The following TULP3 variants were observed in gnomAD, a reference collection of about 807,000 sequenced individuals.
TULP3 encodes TUB like protein 3, also known as tubby-related protein 3.
TULP3 carries 38 observed loss-of-function variants against 50.7 expected under a neutral mutation model. That is an observed-to-expected ratio of 0.75 (90% CI 0.58 to 0.98). The LOEUF (loss-of-function observed/expected upper bound fraction) is 0.98, where lower values mean the gene tolerates loss of function less well. TULP3 is among the 50% of genes least tolerant of loss of function. TULP3 has a pLI of 0.00. For synonymous variants in TULP3, 183 were observed against 196.6 expected, an observed-to-expected ratio of 0.93 and a Z score of 0.58; for missense variants, 550 against 568.0, an observed-to-expected ratio of 0.97 and a Z score of 0.32.
At chr12:2,899,345 C>CA (rs55818833) in intron 1 of TULP3, among the ~76,000 whole-genome samples, 1,688 of 82,604 alleles carry the variant, frequency 0.02, 100 homozygotes, top group African/African-American at 0.055. Context: ...AACGACGTCT[C>CA]AAAAAAAAAA....
chr12:2,941,038 A>G lies in TULP3; in HGVS notation c.*1594A>G, dbSNP rs2098204516. On this transcript the variant is annotated 3_prime_UTR_variant, in exon 11 of 11. Coordinates refer to ENST00000448120, the MANE Select transcript of TULP3 (RefSeq NM_003324.5). ...CCCTCTGGTTTAAAGAGATATATAA[A>G]CTAATTTCACATAATTTGTGTGTGC... 1 of 291,392 alleles carries G rather than the reference A, an allele frequency of 3.4e-6. No homozygotes were observed. The highest frequency in any genetic ancestry group is 2.2e-5 in the African/African-American group (1 of 44,968). The allele number at this position is 291,392 out of a possible 1,614,324, so 18.1% of individuals were successfully genotyped here.
chr12:2,899,954 T>TCTGTAATCC (rs567056978), intron 1 of TULP3, among the ~76,000 whole-genome samples: 1,601 of 146,580 alleles, frequency 0.011, 34 homozygotes, highest in African/African-American at 0.038. Flanking sequence ...GTGGCTCACA[T>TCTGTAATCC]CTGTAATCCC....
chr12:2,913,223 A>G (rs7966200), intron 2 of TULP3, among the ~76,000 whole-genome samples: 70,418 of 144,366 alleles, frequency 0.49, 17,035 homozygotes, highest in African/African-American at 0.6. Flanking sequence ...GTGTGTGTGT[A>G]TGTGTGTGTG....
chr12:2,903,014 A>G (rs2098180107), intron 1 of TULP3, among the ~76,000 whole-genome samples: 1 of 151,832 alleles, frequency 6.6e-6, no homozygotes, highest in Admixed American at 6.6e-5. Flanking sequence ...GGCACGGACC[A>G]CAATGCCTGG....
chr12:2,900,069 T>A (rs1603503916), intron 1 of TULP3, among the ~76,000 whole-genome samples: 2 of 141,298 alleles, frequency 1.4e-5, no homozygotes, highest in South Asian at 2.3e-4. Flanking sequence ...ACAAAAAAAA[T>A]AAAAAATTAA....
chr12:2,928,085 A>G (rs1243236945), intron 4 of TULP3, among the ~76,000 whole-genome samples: 1 of 152,256 alleles, frequency 6.6e-6, no homozygotes, highest in Non-Finnish European at 1.5e-5. Context: ...GACTATCAGT[A>G]TCTCCTCCTC....
intron 1 of TULP3, among the ~76,000 whole-genome samples, chr12:2,891,295 C>T (rs945519604): frequency 1.3e-5 from 2 of 152,178 alleles, no homozygotes; most frequent in African/African-American, 2.4e-5. Context: ...CTCGGGTTTC[C>T]CTCGGGGGAG....
chr12:2,897,302 G>T (rs1360822418), intron 1 of TULP3, among the ~76,000 whole-genome samples: 1 of 151,990 alleles, frequency 6.6e-6, no homozygotes, highest in Non-Finnish European at 1.5e-5. Flanking sequence ...GAGCCACTAC[G>T]CCCAGCCTAA....
At chr12:2,899,962 C>G (rs557004351) in intron 1 of TULP3, among the ~76,000 whole-genome samples, 2 of 151,478 alleles carry the variant, frequency 1.3e-5, no homozygotes, top group Non-Finnish European at 2.9e-5. Context: ...CATCTGTAAT[C>G]CCAGCACTTT....
At chr12:2,893,175 A>G (rs925384763) in intron 1 of TULP3, among the ~76,000 whole-genome samples, 1 of 151,700 alleles carries the variant, frequency 6.6e-6, no homozygotes, top group Non-Finnish European at 1.5e-5. Flanking sequence ...AAATTGTAAA[A>G]TTGACATCAA....
rs7973192 is a variant in TULP3, at chr12:2,920,351, A to T, written c.94-412A>T. On this transcript the variant is annotated intron_variant, in intron 2 of 10. Coordinates refer to ENST00000448120, the MANE Select transcript of TULP3 (RefSeq NM_003324.5). ...GTCGGGAAACCCTGTCTCTACAAAA[A>T]TACAAAAAATAGCTGGGCATGGTAG... Among the ~76,000 whole-genome samples the T allele has an allele frequency of 2.2e-3, 341 of 152,210 alleles. 3 individuals are homozygous for T. The highest frequency in any genetic ancestry group is 7.9e-3 in the African/African-American group (327 of 41,536).
chr12:2,920,978 A>C, intron 3 of TULP3, 56 bp downstream of exon 3: 3 of 1,601,280 alleles, frequency 1.9e-6, no homozygotes, highest in South Asian at 1.1e-5. Context: ...CAAACCTAGA[A>C]GGCACGAGGA....
chr12:2,937,982 T>A, intron 9 of TULP3, 132 bp from the exon 10 acceptor site: 1 of 1,054,506 alleles, frequency 9.5e-7, no homozygotes. Context: ...AAAAAACCTG[T>A]CTTCATTGTT....
chr12:2,935,066 A>G (rs1419677504), intron 8 of TULP3, among the ~76,000 whole-genome samples: 1 of 152,166 alleles, frequency 6.6e-6, no homozygotes, highest in East Asian at 1.9e-4. Flanking sequence ...GCTGCCACCA[A>G]ATGAATCTTC....
Position 2,940,082 on chromosome 12 carries a change from G to T in TULP3, c.*638G>T. The T allele has an allele frequency of 7.8e-7, 1 of 1,289,564 alleles. No individual in the cohort carries two copies. The highest frequency in any genetic ancestry group is 1.0e-6 in the Non-Finnish European group (1 of 989,000). The allele number at this position is 1,289,564 out of a possible 1,614,324, so 79.9% of individuals were successfully genotyped here. Reference sequence around the variant, plus strand: ...TGTGATCACATTTGTGATCAATTATGTGAGAATTTTATATAATTGTCTTCA... The same window carrying T: ...TGTGATCACATTTGTGATCAATTATTTGAGAATTTTATATAATTGTCTTCA... On this transcript the variant is annotated 3_prime_UTR_variant, in exon 11 of 11. Coordinates refer to ENST00000448120, the MANE Select transcript of TULP3 (RefSeq NM_003324.5).
intron 6 of TULP3, among the ~76,000 whole-genome samples, chr12:2,932,822 A>AT (rs1396590481): frequency 0.017 from 2,516 of 149,610 alleles, 71 homozygotes; most frequent in African/African-American, 0.059. Context: ...AGCTTTGGAG[A>AT]TTTTTTTTTT....
chr12:2,897,564 A>G (rs1159692906), intron 1 of TULP3, among the ~76,000 whole-genome samples: 1 of 152,010 alleles, frequency 6.6e-6, no homozygotes, highest in Non-Finnish European at 1.5e-5. Flanking sequence ...TGAGGCCAGT[A>G]GCTCAAGACC....
rs567697006 is a variant in TULP3, at chr12:2,926,551, T to A, written c.395-3697T>A. 1.4e-4 allele frequency among the ~76,000 whole-genome samples: 21 copies of A among 152,336 alleles called. No individual in the cohort carries two copies. The South Asian group carries it at 4.3e-3, about 32-fold the overall frequency. ...GTGTCCTTTGCAAAGCAAATAATTT[T>A]TTTAAGTAACAACTCTTTTGAGATA... On this transcript the variant is annotated intron_variant, in intron 4 of 10. Transcript: ENST00000448120.
chr12:2,900,291 T>C lies in TULP3; in HGVS notation c.42-9238T>C, dbSNP rs191707368. On this transcript the variant is annotated intron_variant, in intron 1 of 10. Transcript: ENST00000448120. Reference sequence around the variant, plus strand: ...TGTAGATGGTCTCTGGACCGTACTTTCCTCCTTTCTCCTCAATTTCATTTA... The same window carrying C: ...TGTAGATGGTCTCTGGACCGTACTTCCCTCCTTTCTCCTCAATTTCATTTA... 2.0e-5 allele frequency among the ~76,000 whole-genome samples: 3 copies of C among 152,306 alleles called. No individual in the cohort carries two copies. In the East Asian group the frequency reaches 5.8e-4, roughly 29 times the overall value.
Sources: allele counts gnomAD v4.1 joint callset (sites outside exome capture counted in the v4.1 genomes callset), GRCh38; gene constraint gnomAD v4.1.1; transcripts MANE v1.5; gene names NCBI Gene and HGNC (gene_info 2026-07-23, HGNC 2026-07-21).